Variants in VIPAS39 observed in about 807,000 individuals in gnomAD.
VIPAS39 encodes VPS33B interacting protein, apical-basolateral polarity regulator, spe-39 homolog.
A neutral mutation model predicts 84.7 loss-of-function variants in VIPAS39; 63 were observed. The observed-to-expected ratio is 0.74, with a 90% CI of 0.61 to 0.92. VIPAS39 has a LOEUF of 0.92. Among genes scored for constraint, VIPAS39 ranks in the 40% least tolerant of loss-of-function variants. VIPAS39 has a pLI of 0.00. For missense variants in VIPAS39, 499 were observed against 604.5 expected (o/e 0.83, Z 1.83); for synonymous variants, 192 against 216.5 (o/e 0.89, Z 0.99).
In VIPAS39 at chr14:77,431,557, G is replaced by A. The variant is rs2078523058; in HGVS notation, c.1180-1790C>T. Among the ~76,000 whole-genome samples the A allele has an allele frequency of 3.3e-5, 5 of 152,202 alleles. 1 individual carries two copies. In the South Asian group the frequency reaches 1.0e-3, roughly 32 times the overall value. On this transcript the variant is annotated intron_variant, in intron 16 of 19. Transcript: ENST00000557658. The stretch of plus-strand genomic sequence containing the variant: ...AAGGGTGTGGGGAAAGGGAACTCTT[G>A]TACCCTGTCGGTGGGAATGTAGATT...
At chr14:77,444,074 T>G (rs1323989818) in intron 8 of VIPAS39, among the ~76,000 whole-genome samples, 175 bp downstream of exon 8, 2 of 150,814 alleles carry the variant, frequency 1.3e-5, no homozygotes. Flanking sequence ...CCACGCTTAG[T>G]GCATGTGGCA....
intron 1 of VIPAS39, among the ~76,000 whole-genome samples, chr14:77,455,138 A>G (rs1291498324): frequency 1.3e-5 from 2 of 152,196 alleles, no homozygotes; most frequent in African/African-American, 2.4e-5. Context: ...AGTCCCTGTT[A>G]TAACTACTAT....
intron 14 of VIPAS39, 120 bp downstream of exon 14, chr14:77,435,139 A>G (rs758548092): frequency 8.2e-5 from 124 of 1,506,026 alleles, no homozygotes; most frequent in Non-Finnish European, 7.3e-6. Flanking sequence ...GAAAGCTTCC[A>G]GGTGGATTTC....
chr14:77,449,075 G>C (rs538344028), intron 6 of VIPAS39, among the ~76,000 whole-genome samples: 2 of 152,304 alleles, frequency 1.3e-5, no homozygotes, highest in African/African-American at 4.8e-5. Flanking sequence ...AAGTATGGCA[G>C]AGCTGAGTCA....
intron 3 of VIPAS39, among the ~76,000 whole-genome samples, chr14:77,451,684 G>C (rs1334627177): frequency 6.6e-6 from 1 of 152,114 alleles, no homozygotes; most frequent in East Asian, 1.9e-4. Flanking sequence ...TCTCACGTCA[G>C]CCTCAACTCC....
intron 1 of VIPAS39, chr14:77,457,011 A>G: frequency 8.1e-7 from 1 of 1,227,830 alleles, no homozygotes; most frequent in Non-Finnish European, 1.0e-6. Flanking sequence ...AGGGGAGAAC[A>G]GGAACTTTAC....
At chr14:77,437,030 C>A (rs1445770647) in intron 12 of VIPAS39, among the ~76,000 whole-genome samples, 1 of 152,042 alleles carries the variant, frequency 6.6e-6, no homozygotes, top group Non-Finnish European at 1.5e-5. Flanking sequence ...CCTTGTTTTC[C>A]AGAGGCCATA....
Position 77,435,867 on chromosome 14 carries a change from G to A in VIPAS39, c.889C>T (p.Leu297=), listed in dbSNP as rs756703579. Residue 297 remains leucine, a synonymous_variant, in exon 13 of 20, where the codon CTG becomes TTG. Transcript: ENST00000557658. ...ACCTCAATAATGATCTGACGTTCCA[G>A]GAGCGTGTAATGGTCCTGTATGTGT... is the stretch of plus-strand genomic sequence containing the variant. ...SAHIQDHYTL[L]ERQIIIEAND... 1.2e-6 allele frequency: 2 copies of A among 1,614,162 alleles called. No individual in the cohort carries two copies. Among genetic ancestry groups the A allele is most frequent in the South Asian group, 1.1e-5 (1 of 91,088 alleles).
At chr14:77,453,172 T>C (rs2078908784) in intron 3 of VIPAS39, 127 bp downstream of exon 3, 3 of 1,003,460 alleles carry the variant, frequency 3.0e-6, no homozygotes, top group Admixed American at 1.7e-5. Context: ...TCCAGATGTA[T>C]GCTTATCTGA....
At chr14:77,449,665 C>T in intron 5 of VIPAS39, 49 bp downstream of exon 5, 1 of 1,610,638 alleles carries the variant, frequency 6.2e-7, no homozygotes, top group Non-Finnish European at 8.5e-7. Flanking sequence ...CAGACTGTAC[C>T]AGATCAGTAA....
intron 1 of VIPAS39, among the ~76,000 whole-genome samples, chr14:77,454,447 G>A (rs901494943): frequency 5.9e-5 from 9 of 152,198 alleles, no homozygotes; most frequent in African/African-American, 2.2e-4. Flanking sequence ...GGCCGAGGCA[G>A]GCAGAACACC....
chr14:77,448,574 T>C, intron 6 of VIPAS39, 24 bp from the exon 7 acceptor site: 1 of 1,613,632 alleles, frequency 6.2e-7, no homozygotes, highest in Non-Finnish European at 8.5e-7. Context: ...AATACGTGAA[T>C]CCCAGGAAGT....
rs1346724882 is a variant in VIPAS39, at chr14:77,443,157, A to G, written c.598-5T>C. 10 of 1,614,074 alleles carry G rather than the reference A, an allele frequency of 6.2e-6. No individual in the cohort carries two copies. The highest frequency in any genetic ancestry group is 8.5e-6 in the Non-Finnish European group (10 of 1,180,036). ...CCTCTTCAGGAAAATCAGAACCTAC[A>G]GGAAAAAAGAACAAAGACTGTGCAA... On this transcript the variant is annotated splice_region_variant and splice_polypyrimidine_tract_variant and intron_variant, in intron 8 of 19. Transcript: ENST00000557658.
chr14:77,457,541 C>T lies in VIPAS39; in HGVS notation c.-47G>A. 2 of 702,602 alleles carry T rather than the reference C, an allele frequency of 2.8e-6. No homozygotes were observed. Among genetic ancestry groups the T allele is most frequent in the East Asian group, 5.5e-5 (2 of 36,590 alleles). The allele number at this position is 702,602 out of a possible 1,614,324, so 43.5% of individuals were successfully genotyped here. A position where few individuals can be genotyped will look rare whatever the true frequency, so the allele number is the denominator to read the frequency against. Reference sequence around the variant, plus strand: ...CTCTCAGGACAGCGCCAGCCTCCGCCGCCGCTGGACCAGCCCTTCTATTCA... The same window carrying T: ...CTCTCAGGACAGCGCCAGCCTCCGCTGCCGCTGGACCAGCCCTTCTATTCA... On this transcript the variant is annotated 5_prime_UTR_variant, in exon 1 of 20. Transcript: ENST00000557658.
chr14:77,435,737 G>C (rs2078600477), intron 13 of VIPAS39, 107 bp downstream of exon 13: 1 of 1,277,130 alleles, frequency 7.8e-7, no homozygotes, highest in South Asian at 1.2e-5. Context: ...AAGGCTTTTA[G>C]AAACCAGTAA....
chr14:77,454,028 T>G lies in VIPAS39; in HGVS notation c.75A>C (p.Glu25Asp). The change falls in exon 2 of 20, where the codon GAA (glutamate) becomes GAC (aspartate). Residue 25 changes from glutamate (E) to aspartate (D), a missense_variant. Coordinates refer to ENST00000557658, the MANE Select transcript of VIPAS39 (RefSeq NM_001193315.2). ...GACCTACCTGTGAAAGCTCATCGTC[T>G]TCATCGTCAAAGGTAAAAGCCTTGA... ...SKFKAFTFDD[E>D]DDELSQLKES... 1 of 1,614,176 alleles carries G rather than the reference T, an allele frequency of 6.2e-7. No homozygotes were observed. Among genetic ancestry groups the G allele is most frequent in the Non-Finnish European group, 8.5e-7 (1 of 1,180,006 alleles).
chr14:77,432,746 G>T (rs117115239), intron 16 of VIPAS39, among the ~76,000 whole-genome samples: 1 of 152,036 alleles, frequency 6.6e-6, no homozygotes, highest in Non-Finnish European at 1.5e-5. Context: ...TCCAGAGGGG[G>T]AAAAAAGTAG....
chr14:77,435,794 G>T, intron 13 of VIPAS39, 50 bp downstream of exon 13: 1 of 1,584,048 alleles, frequency 6.3e-7, no homozygotes, highest in African/African-American at 1.3e-5. Flanking sequence ...ATGCTGAACG[G>T]CACTGAGCCT....
chr14:77,449,643 C>T (rs1200163682), intron 5 of VIPAS39, 71 bp downstream of exon 5: 21 of 1,583,968 alleles, frequency 1.3e-5, no homozygotes, highest in Admixed American at 1.2e-4. Flanking sequence ...ACTACCTGTC[C>T]CCATAACTCC....
Sources: gnomAD v4.1 joint callset for allele counts (sites outside exome capture counted in the v4.1 genomes callset) on GRCh38, gnomAD v4.1.1 for gene constraint, MANE v1.5 for transcripts, NCBI Gene and HGNC (gene_info 2026-07-23, HGNC 2026-07-21) for gene names.